PSMC3: variants seen among roughly 807,000 people sequenced by gnomAD.
PSMC3 encodes the protein 26S proteasome regulatory subunit 6A.
Under a neutral mutation model 52.0 loss-of-function variants are expected in PSMC3, and 11 were observed. The observed-to-expected ratio is 0.21, with a 90% CI of 0.13 to 0.35. The LOEUF is 0.35. Among genes scored for constraint, PSMC3 ranks in the 10% least tolerant of loss-of-function variants. PSMC3 has a pLI of 1.00. For synonymous variants in PSMC3, 201 were observed against 218.8 expected (o/e 0.92, Z 0.72); for missense variants, 238 against 567.1 (o/e 0.42, Z 5.89).
At chr11:47,423,323 C>T (rs896295183) in intron 6 of PSMC3, among the ~76,000 whole-genome samples, 1 of 151,732 alleles carries the variant, frequency 6.6e-6, no homozygotes, top group Non-Finnish European at 1.5e-5. Flanking sequence ...ATGGCATGAA[C>T]CCGGGACGCG....
At position 47,422,912 on chromosome 11, in the gene PSMC3, T is replaced by C; in HGVS notation, c.653A>G (p.Gln218Arg). The C allele has an allele frequency of 1.2e-6, 2 of 1,613,992 alleles. No individual in the cohort carries two copies. Among genetic ancestry groups the C allele is most frequent in the Non-Finnish European group, 1.7e-6 (2 of 1,179,952 alleles). Residue 218 changes from glutamine (Q) to arginine (R), a missense_variant, in exon 7 of 12, where the codon CAA (glutamine) becomes CGA (arginine). This residue lies in a region of PSMC3 where 60 missense variants were observed against 117.3 expected (regional missense o/e 0.51). Transcript: ENST00000298852. The surrounding 1 kb of genome is among the most constrained non-coding windows in gnomAD (Gnocchi z 4.3). The part of the protein sequence containing the change: ...HKEKFENLGI[Q>R]PPKGVLMYGP... The stretch of plus-strand genomic sequence containing the variant: ...ATACATCAGCACCCCTTTTGGAGGT[T>C]GGATCCCCAAGTTCTCAAACTTCTC...
rs142479434 is a variant in PSMC3 at position 47,419,823 on chromosome 11, T to C, written c.1127+441A>G. On this transcript the variant is annotated intron_variant, in intron 10 of 11. Transcript: ENST00000298852. ...GCAGTGAGCCGAGATCGCGCCACTGTACTCCAGCCTGGGCGACAGAGCGAG... is the reference window on the plus strand; with the variant it reads ...GCAGTGAGCCGAGATCGCGCCACTGCACTCCAGCCTGGGCGACAGAGCGAG... Among the ~76,000 whole-genome samples, 809 of 150,956 alleles carry C rather than the reference T, an allele frequency of 5.4e-3. 9 individuals are homozygous for C. Among genetic ancestry groups the C allele is most frequent in the African/African-American group, 0.014 (592 of 40,936 alleles).
At chr11:47,425,001 T>A (rs2096044782) in intron 3 of PSMC3, 120 bp downstream of exon 3, 4 of 1,432,172 alleles carry the variant, frequency 2.8e-6, no homozygotes, top group Non-Finnish European at 3.8e-6. Context: ...CCCCAGGAGG[T>A]GTAGCTCTGA....
chr11:47,423,589 C>A (rs2096043218), intron 6 of PSMC3, among the ~76,000 whole-genome samples: 1 of 152,058 alleles, frequency 6.6e-6, no homozygotes, highest in South Asian at 2.1e-4. Flanking sequence ...GAGTTCGAGA[C>A]CAGCCTGACC....
rs775587533 is a variant in PSMC3 at position 47,418,788 on chromosome 11, C to G, written c.*47G>C. On this transcript the variant is annotated 3_prime_UTR_variant, in exon 12 of 12. Coordinates refer to ENST00000298852, the MANE Select transcript of PSMC3 (RefSeq NM_002804.5). ...AGCAGCGGCAGGGACCCTAAACCAT[C>G]TTTTATTGCGCACTTCAGCCGTGAG... 1 of 1,555,150 alleles carries G rather than the reference C, an allele frequency of 6.4e-7. No homozygotes were observed. Among genetic ancestry groups the G allele is most frequent in the East Asian group, 2.3e-5 (1 of 44,334 alleles).
chr11:47,426,337 A>G lies in PSMC3; in HGVS notation c.-58T>C. On this transcript the variant is annotated 5_prime_UTR_variant, in exon 1 of 12. Transcript: ENST00000298852. ...GCGGGAGCCGCAACGGGAGATTAAT[A>G]CCGTCTTTCTTAAAGCCTTCTCTTG... The G allele has an allele frequency of 4.2e-6, 6 of 1,418,422 alleles. No homozygotes were observed. In the South Asian group the frequency reaches 7.7e-5, roughly 18 times the overall value. 87.9% of individuals were successfully genotyped at this position (1,418,422 alleles called of 1,614,324 possible). A position where few individuals can be genotyped will look rare whatever the true frequency, so the allele number is the denominator to read the frequency against.
At position 47,424,817 on chromosome 11, in the gene PSMC3, A is replaced by G. The variant is rs1015368124; in HGVS notation, c.286-106T>C. ...TGGCCATCCTTACCTCCCTCCTCCA[A>G]TAGCCCTGAGCCCACCAAACGTGGG... On this transcript the variant is annotated intron_variant, in intron 3 of 11. Coordinates refer to ENST00000298852, the MANE Select transcript of PSMC3 (RefSeq NM_002804.5). This position sits in a 1 kb window ranked among gnomAD's most constrained non-coding sequence, Gnocchi z 4.8. 12 of 1,046,622 alleles carry G rather than the reference A, an allele frequency of 1.1e-5. No homozygotes were observed. The highest frequency in any genetic ancestry group is 1.6e-5 in the Non-Finnish European group (11 of 687,900). The allele number at this position is 1,046,622 out of a possible 1,614,324, so 64.8% of individuals were successfully genotyped here. A position where few individuals can be genotyped will look rare whatever the true frequency, so the allele number is the denominator to read the frequency against.
At chr11:47,426,016 G>A in intron 1 of PSMC3, 66 bp from the exon 2 acceptor site, 1 of 1,502,926 alleles carries the variant, frequency 6.7e-7, no homozygotes, top group African/African-American at 1.4e-5. Context: ...CTCGTTCTCC[G>A]AACCCACTCA....
At chr11:47,419,722 G>A (rs935436048) in intron 10 of PSMC3, among the ~76,000 whole-genome samples, 2 of 152,142 alleles carry the variant, frequency 1.3e-5, no homozygotes, top group Admixed American at 6.5e-5. Flanking sequence ...AGCCGGGCGT[G>A]GTGGCGGGCG....
chr11:47,422,844 C>A lies in PSMC3; in HGVS notation c.721G>T (p.Ala241Ser). The A allele has an allele frequency of 6.2e-7, 1 of 1,611,524 alleles. No individual in the cohort carries two copies. Among genetic ancestry groups the A allele is most frequent in the Non-Finnish European group, 8.5e-7 (1 of 1,178,500 alleles). Reference protein sequence around the residue: ...TGKTLLARACAAQTKATFLKL... With the variant: ...TGKTLLARACSAQTKATFLKL... ...AAAGTACTCACCTTAGTCTGTGCGGCACAGGCCCGGGCCAGGAGGGTCTTC... is the reference window on the plus strand; with the variant it reads ...AAAGTACTCACCTTAGTCTGTGCGGAACAGGCCCGGGCCAGGAGGGTCTTC... Residue 241 changes from alanine to serine, a missense_variant, in exon 7 of 12, where the codon GCC (alanine) becomes TCC (serine). Physicochemically the swap from Ala to Ser is moderately conservative, Grantham distance 99 (BLOSUM62 1). Transcript: ENST00000298852. The surrounding 1 kb of genome is among the most constrained non-coding windows in gnomAD (Gnocchi z 4.3).
rs1209067347 is a variant in PSMC3 at position 47,424,412 on chromosome 11, G to A, written c.453+17C>T. Reference sequence around the variant, plus strand: ...TAGTCACCAGAAAAGCACTGCCTGGGCTCAGGCCCCACTCACCACCAGGTC... The same window carrying A: ...TAGTCACCAGAAAAGCACTGCCTGGACTCAGGCCCCACTCACCACCAGGTC... On this transcript the variant is annotated intron_variant, in intron 5 of 11. Transcript: ENST00000298852. This position sits in a 1 kb window ranked among gnomAD's most constrained non-coding sequence, Gnocchi z 4.8. 6.2e-7 allele frequency: 1 copy of A among 1,613,456 alleles called. No individual in the cohort carries two copies. The highest frequency in any genetic ancestry group is 8.5e-7 in the Non-Finnish European group (1 of 1,179,382).
At position 47,421,249 on chromosome 11, in the gene PSMC3, CAAAAAAAAAAAAAAA is replaced by C. The variant is rs56344837; in HGVS notation, c.885-537_885-523del. On this transcript the variant is annotated intron_variant, in intron 8 of 11. Coordinates refer to ENST00000298852, the MANE Select transcript of PSMC3 (RefSeq NM_002804.5). ...TGGACGACAGAGCGAGACTCCATCT[CAAAAAAAAAAAAAAA>C]AAAAAAAAAAAGCAAAACCAACCAC... Among the ~76,000 whole-genome samples the C allele has an allele frequency of 2.3e-4, 14 of 61,408 alleles. No individual in the cohort carries two copies. The East Asian group carries it at 5.2e-3, about 23-fold the overall frequency. The allele number at this position is 61,408 out of a possible 152,430, so 40.3% of individuals were successfully genotyped here.
chr11:47,423,935 T>TCC, intron 6 of PSMC3, 111 bp downstream of exon 6: 10 of 1,479,078 alleles, frequency 6.8e-6, no homozygotes, highest in Non-Finnish European at 8.4e-6. Flanking sequence ...CCTCCCTTCC[T>TCC]CCCTAGGTTG....
chr11:47,419,457 G>C (rs2096037352), intron 10 of PSMC3, among the ~76,000 whole-genome samples: 1 of 152,170 alleles, frequency 6.6e-6, no homozygotes. Flanking sequence ...GGACTCCAGG[G>C]ACTGACTGTC....
chr11:47,423,067 A>T, intron 6 of PSMC3, 94 bp from the exon 7 acceptor site: 1 of 1,299,180 alleles, frequency 7.7e-7, no homozygotes, highest in Non-Finnish European at 1.1e-6. Context: ...CATCCCTCCT[A>T]CTCTAACTCA....
intron 10 of PSMC3, among the ~76,000 whole-genome samples, chr11:47,419,637 A>G (rs917156884): frequency 6.6e-6 from 1 of 152,178 alleles, no homozygotes; most frequent in Admixed American, 6.6e-5. Flanking sequence ...AGGTGGGCGG[A>G]TCACAAGGTC....
rs34037785 is a variant in PSMC3, at chr11:47,422,911, T to G, written c.654A>C (p.Gln218His). The change falls in exon 7 of 12, where the codon CAA becomes CAC. Residue 218 changes from glutamine (Q) to histidine (H), a missense_variant. Transcript: ENST00000298852. This position sits in a 1 kb window ranked among gnomAD's most constrained non-coding sequence, Gnocchi z 4.3. ...CATACATCAGCACCCCTTTTGGAGG[T>G]TGGATCCCCAAGTTCTCAAACTTCT... ...HKEKFENLGI[Q>H]PPKGVLMYGP... 1 of 1,613,708 alleles carries G rather than the reference T, an allele frequency of 6.2e-7. No individual in the cohort carries two copies. The highest frequency in any genetic ancestry group is 1.7e-5 in the Admixed American group (1 of 59,932).
chr11:47,424,421 C>T lies in PSMC3; in HGVS notation c.453+8G>A, dbSNP rs1381173285. On this transcript the variant is annotated splice_region_variant and intron_variant, in intron 5 of 11. Coordinates refer to ENST00000298852, the MANE Select transcript of PSMC3 (RefSeq NM_002804.5). The surrounding 1 kb of genome is among the most constrained non-coding windows in gnomAD (Gnocchi z 4.8). The stretch of plus-strand genomic sequence containing the variant: ...GAAAAGCACTGCCTGGGCTCAGGCC[C>T]CACTCACCACCAGGTCTCCTGGCTT... 5 of 1,613,858 alleles carry T rather than the reference C, an allele frequency of 3.1e-6. No individual in the cohort carries two copies. Among genetic ancestry groups the T allele is most frequent in the Non-Finnish European group, 4.2e-6 (5 of 1,179,836 alleles).
chr11:47,423,317 C>T (rs1240957659), intron 6 of PSMC3, among the ~76,000 whole-genome samples: 1 of 151,630 alleles, frequency 6.6e-6, no homozygotes, highest in Non-Finnish European at 1.5e-5. Flanking sequence ...AGGAGAATGG[C>T]ATGAACCCGG....
Sources: gnomAD v4.1 joint callset for allele counts (sites outside exome capture counted in the v4.1 genomes callset) on GRCh38, gnomAD v4.1.1 for gene constraint, gnomAD v4.1.1 regional missense constraint, Gnocchi (gnomAD v3.1) non-coding constraint, MANE v1.5 for transcripts, NCBI Gene and HGNC (gene_info 2026-07-23, HGNC 2026-07-21) for gene names.